TRHDE: variants seen among roughly 807,000 people sequenced by gnomAD.
The protein encoded by TRHDE is thyrotropin releasing hormone degrading enzyme.
A neutral mutation model predicts 125.7 loss-of-function variants in TRHDE; 72 were observed. The observed-to-expected ratio is 0.57, with a 90% CI of 0.47 to 0.70. The LOEUF is 0.70. TRHDE is among the 30% of genes least tolerant of loss of function. The probability of loss-of-function intolerance (pLI) is 0.00; values close to 1 mark genes in which losing one functional copy is unlikely to be tolerated. For synonymous variants in TRHDE, 509 were observed against 509.1 expected, an observed-to-expected ratio of 1.00 and a Z score of 0.00; for missense variants, 1,110 against 1,327.1, an observed-to-expected ratio of 0.84 and a Z score of 2.54.
intron 2 of TRHDE, among the ~76,000 whole-genome samples, chr12:72,152,281 T>C (rs1876386352): frequency 6.6e-6 from 1 of 151,762 alleles, no homozygotes; most frequent in Non-Finnish European, 1.5e-5. Flanking sequence ...GCTTATCAGC[T>C]TAAGGAGATT....
chr12:72,343,302 C>T (rs912965702), intron 2 of TRHDE, among the ~76,000 whole-genome samples: 8 of 152,036 alleles, frequency 5.3e-5, no homozygotes, highest in Non-Finnish European at 8.8e-5. Context: ...CTCAAGTCCT[C>T]GCAGTTGACC....
At chr12:72,657,125 A>G (rs1027809208) in intron 18 of TRHDE, 117 bp downstream of exon 18, 1 of 659,318 alleles carries the variant, frequency 1.5e-6, no homozygotes, top group African/African-American at 1.9e-5. Flanking sequence ...TTACACACGC[A>G]CACCACACAC....
intron 6 of TRHDE, among the ~76,000 whole-genome samples, chr12:72,520,486 C>T (rs1010740687): frequency 3.9e-5 from 6 of 152,278 alleles, no homozygotes; most frequent in South Asian, 4.1e-4. Flanking sequence ...GGCAATGCCT[C>T]GCCCTGCTTC....
At chr12:72,257,200 G>A (rs1028600158) in intron 2 of TRHDE, 4 of 152,084 alleles carry the variant, frequency 2.6e-5, no homozygotes, top group South Asian at 2.1e-4. Context: ...TCTGAAATCC[G>A]ATGCTCCAAA....
At chr12:72,260,483 C>A (rs1487331807) in intron 2 of TRHDE, among the ~76,000 whole-genome samples, 1 of 152,024 alleles carries the variant, frequency 6.6e-6, no homozygotes. Flanking sequence ...TCACTGGGAG[C>A]AACTGGACAC....
chr12:72,465,734 A>G (rs758463412), intron 3 of TRHDE, among the ~76,000 whole-genome samples: 13 of 152,198 alleles, frequency 8.5e-5, no homozygotes, highest in Non-Finnish European at 1.6e-4. Context: ...TTATAAACCT[A>G]TCATATAAGA....
chr12:72,245,799 T>A (rs1212643124), intron 2 of TRHDE, among the ~76,000 whole-genome samples: 1 of 152,144 alleles, frequency 6.6e-6, no homozygotes, highest in Non-Finnish European at 1.5e-5. Flanking sequence ...TCAATATATT[T>A]TTCCCACATC....
intron 2 of TRHDE, among the ~76,000 whole-genome samples, chr12:72,224,519 G>A (rs187867784): frequency 9.8e-4 from 149 of 152,214 alleles, no homozygotes; most frequent in African/African-American, 3.3e-3. Flanking sequence ...GAATTTGGTT[G>A]TGAGAGCATC....
chr12:72,280,476 G>A (rs1007879457), intron 1 of TRHDE, among the ~76,000 whole-genome samples: 1 of 152,068 alleles, frequency 6.6e-6, no homozygotes, highest in Non-Finnish European at 1.5e-5. Flanking sequence ...GCTGCTGTTT[G>A]TTTTTACCAC....
Position 72,517,514 on chromosome 12 carries a change from G to A in TRHDE, c.1722+17879G>A, listed in dbSNP as rs1372457648. ...TATCCCCTTTATCATTTTTTATTGC[G>A]TCTGTTTGATTCTTCTCTCTTTTTT... On this transcript the variant is annotated intron_variant, in intron 6 of 18. Coordinates refer to ENST00000261180, the MANE Select transcript of TRHDE (RefSeq NM_013381.3). Among the ~76,000 whole-genome samples the A allele has an allele frequency of 6.5e-3, 970 of 148,384 alleles. 12 individuals carry two copies. The highest frequency in any genetic ancestry group is 0.022 in the African/African-American group (902 of 40,114).
At chr12:72,180,890 C>T (rs1877083666) in intron 2 of TRHDE, among the ~76,000 whole-genome samples, 1 of 152,142 alleles carries the variant, frequency 6.6e-6, no homozygotes, top group Admixed American at 6.5e-5. Context: ...GACCTACTGA[C>T]TGTTATGCTT....
chr12:72,516,102 G>T (rs1878845294), intron 6 of TRHDE, among the ~76,000 whole-genome samples: 1 of 151,726 alleles, frequency 6.6e-6, no homozygotes, highest in African/African-American at 2.4e-5. Context: ...TGTTCTTTTG[G>T]CTTAGGATTA....
intron 2 of TRHDE, among the ~76,000 whole-genome samples, chr12:72,369,017 T>C (rs1871457318): frequency 6.6e-6 from 1 of 152,154 alleles, no homozygotes; most frequent in Non-Finnish European, 1.5e-5. Context: ...TAGCTGAAAC[T>C]TTATTGCCAT....
chr12:72,371,245 A>G (rs1158649852), intron 2 of TRHDE, among the ~76,000 whole-genome samples: 2 of 150,750 alleles, frequency 1.3e-5, no homozygotes, highest in African/African-American at 2.4e-5. Flanking sequence ...TCCTTATTAC[A>G]TACTTCATAC....
chr12:72,652,158 T>C (rs968353339), intron 15 of TRHDE, among the ~76,000 whole-genome samples, 164 bp from the exon 16 acceptor site: 5 of 152,090 alleles, frequency 3.3e-5, no homozygotes, highest in Non-Finnish European at 7.4e-5. Flanking sequence ...GTGAGAAATA[T>C]TTTTAAAATA....
intron 2 of TRHDE, among the ~76,000 whole-genome samples, chr12:72,308,645 T>C (rs1428687972): frequency 1.3e-5 from 2 of 152,204 alleles, no homozygotes; most frequent in African/African-American, 4.8e-5. Context: ...AAAAATGCTT[T>C]TATTGTGTAA....
At position 72,462,963 on chromosome 12, in the gene TRHDE, C is replaced by T. The variant is rs116721404; in HGVS notation, c.1316-6795C>T. Among the ~76,000 whole-genome samples, 485 of 152,212 alleles carry T rather than the reference C, an allele frequency of 3.2e-3. 1 individual carries two copies. The highest frequency in any genetic ancestry group is 0.011 in the African/African-American group (450 of 41,532). ...CTTTACTGAGTGAGTGAATGAATGC[C>T]TAATTCAAAGAAGTACCTTATGTGT... On this transcript the variant is annotated intron_variant, in intron 3 of 18. Coordinates refer to ENST00000261180, the MANE Select transcript of TRHDE (RefSeq NM_013381.3).
intron 5 of TRHDE, among the ~76,000 whole-genome samples, chr12:72,489,510 G>C (rs1877563829): frequency 6.6e-6 from 1 of 151,704 alleles, no homozygotes; most frequent in African/African-American, 2.4e-5. Flanking sequence ...AAATTTATAT[G>C]GAAACATAAA....
intron 2 of TRHDE, among the ~76,000 whole-genome samples, chr12:72,238,315 T>TATATATATATACACACATATAC (rs1878393069): frequency 3.1e-5 from 1 of 32,034 alleles, no homozygotes; most frequent in African/African-American, 1.2e-4. Context: ...TATATATATA[T>TATATATATATACACACATATAC]ATATATACAT....
Sources: gnomAD v4.1 joint callset for allele counts (sites outside exome capture counted in the v4.1 genomes callset) on GRCh38, gnomAD v4.1.1 for gene constraint, MANE v1.5 for transcripts, NCBI Gene and HGNC (gene_info 2026-07-23, HGNC 2026-07-21) for gene names.